STAU2: variants seen among roughly 807,000 people sequenced by gnomAD.
STAU2 encodes the protein staufen double-stranded RNA binding protein 2, also known as double-stranded RNA-binding protein Staufen homolog 2.
In STAU2, 20 loss-of-function variants were observed where a neutral mutation model predicts 65.9. That is an observed-to-expected ratio of 0.30 (90% CI 0.21 to 0.44). The LOEUF (loss-of-function observed/expected upper bound fraction) is 0.44. Ranked by LOEUF, STAU2 falls within the 20% of genes least tolerant of loss-of-function variation. The probability of loss-of-function intolerance (pLI) is 1.00; values close to 1 mark genes in which losing one functional copy is unlikely to be tolerated. For synonymous variants in STAU2, 232 were observed against 233.9 expected, an observed-to-expected ratio of 0.99 and a Z score of 0.07; for missense variants, 558 against 683.9, an observed-to-expected ratio of 0.82 and a Z score of 2.05.
At chr8:73,698,542 T>C (rs546772671) in intron 4 of STAU2, among the ~76,000 whole-genome samples, 1 of 152,054 alleles carries the variant, frequency 6.6e-6, no homozygotes, top group African/African-American at 2.4e-5. Context: ...AGACAAAAAC[T>C]GTAAGGAGAG....
At chr8:73,464,708 A>G (rs1819556272) in intron 13 of STAU2, among the ~76,000 whole-genome samples, 1 of 152,106 alleles carries the variant, frequency 6.6e-6, no homozygotes, top group Non-Finnish European at 1.5e-5. Context: ...AACAAAGTGT[A>G]AAAAAAAGGA....
chr8:73,745,913 G>C (rs944709930), intron 1 of STAU2, among the ~76,000 whole-genome samples: 1 of 151,882 alleles, frequency 6.6e-6, no homozygotes, highest in African/African-American at 2.4e-5. Context: ...GCTTCTCAAT[G>C]GCCTCTGCGG....
chr8:73,474,249 T>C (rs1382609919), intron 13 of STAU2, among the ~76,000 whole-genome samples: 2 of 152,170 alleles, frequency 1.3e-5, no homozygotes, highest in African/African-American at 4.8e-5. Context: ...TGCAGGCATT[T>C]TCTTCTTGAA....
At chr8:73,679,788 T>C (rs1586255075) in intron 5 of STAU2, among the ~76,000 whole-genome samples, 1 of 150,776 alleles carries the variant, frequency 6.6e-6, no homozygotes, top group African/African-American at 2.4e-5. Context: ...CTTGGGAGGC[T>C]GAGGCAGGAG....
intron 13 of STAU2, among the ~76,000 whole-genome samples, chr8:73,470,292 C>T (rs1056611939): frequency 1.3e-5 from 2 of 152,086 alleles, no homozygotes; most frequent in African/African-American, 2.4e-5. Context: ...AAAAAGATCC[C>T]CAGTTTTGCT....
At chr8:73,610,183 G>C (rs1217474918) in intron 9 of STAU2, among the ~76,000 whole-genome samples, 1 of 151,390 alleles carries the variant, frequency 6.6e-6, no homozygotes, top group South Asian at 2.1e-4. Flanking sequence ...TGGGAGGTGG[G>C]AGGATCACTC....
chr8:73,462,888 T>C (rs925353084), intron 13 of STAU2, among the ~76,000 whole-genome samples: 14 of 152,284 alleles, frequency 9.2e-5, no homozygotes, highest in South Asian at 2.1e-4. Flanking sequence ...GCAAAGACTA[T>C]GGGATTCCAG....
In STAU2 at chr8:73,567,366, G is replaced by C. The variant is rs967991747; in HGVS notation, c.1223-15047C>G. Among the ~76,000 whole-genome samples the C allele has an allele frequency of 8.5e-5, 13 of 152,060 alleles. 1 individual carries two copies. Among genetic ancestry groups the C allele is most frequent in the Admixed American group, 8.5e-4 (13 of 15,278 alleles). ...CTACTAAAAATACAAAATTAGCCAG[G>C]TGTGGTGGCATATGCCTGTAATCCC... is the stretch of plus-strand genomic sequence containing the variant. On this transcript the variant is annotated intron_variant, in intron 12 of 14. Coordinates refer to ENST00000524300, the MANE Select transcript of STAU2 (RefSeq NM_001164380.2).
Position 73,425,210 on chromosome 8 carries a change from G to C in STAU2, c.1531-2508C>G, listed in dbSNP as rs371521139. 1.4e-3 allele frequency among the ~76,000 whole-genome samples: 218 copies of C among 152,270 alleles called. 1 individual carries two copies. The highest frequency in any genetic ancestry group is 5.0e-3 in the African/African-American group (207 of 41,560). ...TAGAATGTGGCCTTATTTAAAAATA[G>C]GATTAGTACAGATGTAATTAGTTAA... On this transcript the variant is annotated intron_variant, in intron 13 of 14. Transcript: ENST00000524300.
intron 6 of STAU2, among the ~76,000 whole-genome samples, chr8:73,671,396 AC>A (rs201351172): frequency 1.0e-4 from 15 of 144,370 alleles, no homozygotes; most frequent in African/African-American, 1.5e-4. Context: ...AAACAAACAA[AC>A]AAAAAAAAAC....
At chr8:73,514,782 T>C (rs1563396238) in intron 13 of STAU2, among the ~76,000 whole-genome samples, 3 of 152,144 alleles carry the variant, frequency 2.0e-5, no homozygotes, top group Admixed American at 2.0e-4. Context: ...TTTCTCCAAC[T>C]TTTTTTTCCT....
intron 13 of STAU2, among the ~76,000 whole-genome samples, chr8:73,434,715 CTT>C (rs764898021): frequency 1.3e-5 from 2 of 151,950 alleles, no homozygotes; most frequent in Non-Finnish European, 2.9e-5. Flanking sequence ...TTTGCTCTCT[CTT>C]GAGTCCAACA....
intron 12 of STAU2, among the ~76,000 whole-genome samples, chr8:73,571,391 G>A (rs896671205): frequency 6.6e-6 from 1 of 152,156 alleles, no homozygotes; most frequent in African/African-American, 2.4e-5. Context: ...TCTGCACCAA[G>A]TGGACCTAAT....
intron 13 of STAU2, among the ~76,000 whole-genome samples, chr8:73,486,658 T>TA (rs1491264449): frequency 0.27 from 8,975 of 33,820 alleles, 827 homozygotes; most frequent in African/African-American, 0.51. Context: ...TATATATATA[T>TA]TTTTTTTTTT....
chr8:73,744,753 T>C (rs1807156699), intron 1 of STAU2, among the ~76,000 whole-genome samples: 1 of 152,222 alleles, frequency 6.6e-6, no homozygotes, highest in Non-Finnish European at 1.5e-5. Context: ...AACTTACCCT[T>C]AAATGGTCCA....
intron 6 of STAU2, among the ~76,000 whole-genome samples, chr8:73,634,973 T>C (rs1814384233): frequency 6.6e-6 from 1 of 152,198 alleles, no homozygotes; most frequent in Non-Finnish European, 1.5e-5. Flanking sequence ...CCAACTAGAA[T>C]GTACACTTCA....
At chr8:73,576,157 CTT>C (rs1286988761) in intron 12 of STAU2, among the ~76,000 whole-genome samples, 3 of 152,036 alleles carry the variant, frequency 2.0e-5, no homozygotes, top group South Asian at 2.1e-4. Context: ...CCCAGAAACT[CTT>C]ATACATGTGC....
At chr8:73,486,262 C>A (rs981340668) in intron 13 of STAU2, among the ~76,000 whole-genome samples, 3 of 151,958 alleles carry the variant, frequency 2.0e-5, no homozygotes, top group Non-Finnish European at 4.4e-5. Context: ...AGTAAATGAA[C>A]AAGTAACTAA....
At chr8:73,621,951 CTTT>C (rs751349117) in intron 6 of STAU2, among the ~76,000 whole-genome samples, 4 of 129,886 alleles carry the variant, frequency 3.1e-5, no homozygotes, top group Non-Finnish European at 6.5e-5. Flanking sequence ...GTCTTTCTCT[CTTT>C]TTTTTTTTTT....
Sources: gnomAD v4.1 joint callset for allele counts (sites outside exome capture counted in the v4.1 genomes callset) on GRCh38, gnomAD v4.1.1 for gene constraint, MANE v1.5 for transcripts, NCBI Gene and HGNC (gene_info 2026-07-23, HGNC 2026-07-21) for gene names.